Variants in CPLX2 observed in about 807,000 individuals in gnomAD.
The protein encoded by CPLX2 is complexin-2.
A neutral mutation model predicts 16.3 loss-of-function variants in CPLX2; 5 were observed. That is an observed-to-expected ratio of 0.31 (90% CI 0.16 to 0.64). The LOEUF is 0.64. Ranked by LOEUF, CPLX2 falls within the 30% of genes least tolerant of loss-of-function variation. CPLX2 has a pLI of 0.79. For synonymous variants in CPLX2, 89 were observed against 73.2 expected, an observed-to-expected ratio of 1.22 and a Z score of -1.10; for missense variants, 144 against 181.4, an observed-to-expected ratio of 0.79 and a Z score of 1.18.
chr5:175,815,617 T>C (rs1758393232), intron 2 of CPLX2, among the ~76,000 whole-genome samples: 1 of 151,382 alleles, frequency 6.6e-6, no homozygotes, highest in African/African-American at 2.4e-5. Context: ...AAATGTTGTG[T>C]TGACCAAACA....
At chr5:175,829,686 T>C (rs914015496) in intron 2 of CPLX2, among the ~76,000 whole-genome samples, 4 of 152,214 alleles carry the variant, frequency 2.6e-5, no homozygotes, top group African/African-American at 9.7e-5. Context: ...ACCCCTTGTC[T>C]GCCCTGATAT....
At chr5:175,871,540 G>T (rs1274373605), upstream of CPLX2, 1 of 151,944 alleles carries the variant, frequency 6.6e-6, no homozygotes, top group Non-Finnish European at 1.5e-5. Flanking sequence ...CCGGCTGAGG[G>T]GCGTGATTGG....
chr5:175,821,650 T>C (rs1407887626), intron 2 of CPLX2, among the ~76,000 whole-genome samples: 2 of 152,184 alleles, frequency 1.3e-5, no homozygotes, highest in Non-Finnish European at 2.9e-5. Context: ...TCCAGTGATC[T>C]GCCCGCCTTG....
intron 2 of CPLX2, among the ~76,000 whole-genome samples, chr5:175,819,411 G>A (rs1293127539): frequency 2.0e-5 from 3 of 152,152 alleles, no homozygotes; most frequent in Non-Finnish European, 4.4e-5. Flanking sequence ...CCAACATTTG[G>A]TATTTTCCGT....
intron 2 of CPLX2, among the ~76,000 whole-genome samples, chr5:175,843,081 T>TCAGC (rs1758975409): frequency 1.3e-5 from 2 of 151,892 alleles, no homozygotes; most frequent in Non-Finnish European, 1.5e-5. Context: ...GCGAGATGAG[T>TCAGC]CAGCCAGCCA....
intron 2 of CPLX2, among the ~76,000 whole-genome samples, chr5:175,843,357 C>A (rs1407615699): frequency 1.3e-5 from 2 of 152,230 alleles, no homozygotes; most frequent in Non-Finnish European, 2.9e-5. Flanking sequence ...CATGCACACA[C>A]CTGCATGTGC....
chr5:175,804,866 C>T (rs137911976), intron 1 of CPLX2, among the ~76,000 whole-genome samples: 36 of 152,308 alleles, frequency 2.4e-4, no homozygotes, highest in African/African-American at 8.2e-4. Flanking sequence ...AAACCCAAGA[C>T]GTAAGAAGAG....
At chr5:175,824,807 A>G (rs1441198087) in intron 2 of CPLX2, among the ~76,000 whole-genome samples, 1 of 152,176 alleles carries the variant, frequency 6.6e-6, no homozygotes, top group African/African-American at 2.4e-5. Context: ...TACATCATCC[A>G]CTCAGCTGGG....
intron 2 of CPLX2, among the ~76,000 whole-genome samples, chr5:175,818,651 T>A (rs903259243): frequency 6.4e-5 from 1 of 15,572 alleles, no homozygotes; most frequent in Non-Finnish European, 1.6e-4. Flanking sequence ...TGTCCCAACC[T>A]TTTTTTTTTT....
At chr5:175,854,895 G>A (rs534511171) in intron 2 of CPLX2, among the ~76,000 whole-genome samples, 5 of 152,348 alleles carry the variant, frequency 3.3e-5, no homozygotes, top group South Asian at 4.1e-4. Context: ...TGGGCCAGGC[G>A]CTGTGCCAAG....
At chr5:175,851,107 A>T (rs950360880) in intron 2 of CPLX2, among the ~76,000 whole-genome samples, 1 of 152,008 alleles carries the variant, frequency 6.6e-6, no homozygotes, top group African/African-American at 2.4e-5. Flanking sequence ...GGCTCAGGGC[A>T]TCTTGCGTGT....
At position 175,860,516 on chromosome 5, in the gene CPLX2, A is replaced by AAG. The variant is rs1554121240; in HGVS notation, c.-88-18135_-88-18134insGA. Among the ~76,000 whole-genome samples the AAG allele has an allele frequency of 3.8e-3, 82 of 21,328 alleles. 1 individual carries two copies. Among genetic ancestry groups the AAG allele is most frequent in the African/African-American group, 0.017 (64 of 3,756 alleles). The allele number at this position is 21,328 out of a possible 152,430, so 14.0% of individuals were successfully genotyped here. A position where few individuals can be genotyped will look rare whatever the true frequency, so the allele number is the denominator to read the frequency against. ...AAGAAAGAAAAGAAAGAAAGAAAGA[A>AAG]AAAGAAAGAAAGAAAGAAAGAAAGA... On this transcript the variant is annotated intron_variant, in intron 2 of 4. Transcript: ENST00000359546.
upstream of CPLX2, among the ~76,000 whole-genome samples, chr5:175,870,321 C>T (rs1283809787): frequency 6.6e-6 from 1 of 152,128 alleles, no homozygotes; most frequent in Non-Finnish European, 1.5e-5. Flanking sequence ...GGGGGGGTCT[C>T]CTGCTTTAAG....
At chr5:175,797,136 C>T (rs1431145628) in intron 1 of CPLX2, among the ~76,000 whole-genome samples, 1 of 152,222 alleles carries the variant, frequency 6.6e-6, no homozygotes, top group African/African-American at 2.4e-5. Context: ...CCGCGGGCCG[C>T]TCCCAACGCT....
chr5:175,866,909 C>T (rs1322356328), upstream of CPLX2, among the ~76,000 whole-genome samples: 1 of 151,868 alleles, frequency 6.6e-6, no homozygotes, highest in Non-Finnish European at 1.5e-5. Flanking sequence ...CTTGTCTCCA[C>T]AGAAAATAAA....
intron 2 of CPLX2, among the ~76,000 whole-genome samples, chr5:175,824,016 G>C (rs1363607774): frequency 6.6e-6 from 1 of 152,160 alleles, no homozygotes; most frequent in African/African-American, 2.4e-5. Flanking sequence ...GATCCTTAAA[G>C]GGACCGATCC....
intron 2 of CPLX2, among the ~76,000 whole-genome samples, chr5:175,858,216 C>T (rs757325871): frequency 6.6e-6 from 1 of 152,228 alleles, no homozygotes; most frequent in African/African-American, 2.4e-5. Context: ...TGAGACCCTC[C>T]TGGAGCCCCA....
chr5:175,844,394 T>C (rs1759003787), intron 2 of CPLX2, among the ~76,000 whole-genome samples: 1 of 152,240 alleles, frequency 6.6e-6, no homozygotes, highest in African/African-American at 2.4e-5. Flanking sequence ...TGCTACTGTG[T>C]ACCAGGCACT....
intron 1 of CPLX2, among the ~76,000 whole-genome samples, chr5:175,877,447 G>A (rs1349790091): frequency 6.6e-6 from 1 of 152,096 alleles, no homozygotes; most frequent in Non-Finnish European, 1.5e-5. Context: ...AACCCAACAA[G>A]GTTGCAACAT....
Sources: allele counts gnomAD v4.1 joint callset (sites outside exome capture counted in the v4.1 genomes callset), GRCh38; gene constraint gnomAD v4.1.1; transcripts MANE v1.5; gene names NCBI Gene and HGNC (gene_info 2026-07-23, HGNC 2026-07-21).